FAT2: variants seen among roughly 807,000 people sequenced by gnomAD.
The protein encoded by FAT2 is protocadherin Fat 2.
Under a neutral mutation model 295.3 loss-of-function variants are expected in FAT2, and 150 were observed. That is an observed-to-expected ratio of 0.51 (90% CI 0.44 to 0.58). The LOEUF (loss-of-function observed/expected upper bound fraction) is 0.58, where lower values mean the gene tolerates loss of function less well. FAT2 is among the 20% of genes least tolerant of loss of function. FAT2 has a pLI of 0.00. For synonymous variants in FAT2, 2,026 were observed against 2,150.3 expected, an observed-to-expected ratio of 0.94 and a Z score of 1.60; for missense variants, 4,868 against 5,442.7, an observed-to-expected ratio of 0.89 and a Z score of 3.32.
chr5:151,572,918 T>C (rs1561882283), intron 1 of FAT2, among the ~76,000 whole-genome samples: 1 of 152,218 alleles, frequency 6.6e-6, no homozygotes, highest in Non-Finnish European at 1.5e-5. Flanking sequence ...TCATGCTCCT[T>C]GGCTCCTCAG....
rs1417093053 is a variant in FAT2 at position 151,527,980 on chromosome 5, C to T, written c.10164+16G>A. ...GCTCTAATGAGCTCAGGGTGCGCCC[C>T]TCCCACATGACTCACCTGTTCCCGG... On this transcript the variant is annotated intron_variant, in intron 16 of 23. Coordinates refer to ENST00000261800, the MANE Select transcript of FAT2 (RefSeq NM_001447.3). 1.2e-6 allele frequency: 2 copies of T among 1,613,182 alleles called. No individual in the cohort carries two copies. The highest frequency in any genetic ancestry group is 1.7e-6 in the Non-Finnish European group (2 of 1,179,754).
chr5:151,529,717 G>A (rs1754385353), intron 14 of FAT2, among the ~76,000 whole-genome samples: 1 of 152,170 alleles, frequency 6.6e-6, no homozygotes, highest in Non-Finnish European at 1.5e-5. Context: ...GGACAATTAT[G>A]ATTCCCATTT....
intron 22 of FAT2, chr5:151,509,797 C>T: frequency 1.9e-6 from 1 of 528,156 alleles, no homozygotes; most frequent in Non-Finnish European, 3.4e-6. Flanking sequence ...ATCCTGAAAC[C>T]ATCTCCCGTT....
At chr5:151,519,560 G>A (rs1355670186) in intron 19 of FAT2, among the ~76,000 whole-genome samples, 2 of 152,140 alleles carry the variant, frequency 1.3e-5, no homozygotes, top group Non-Finnish European at 2.9e-5. Flanking sequence ...GTGGAAATAT[G>A]TATTTTAAAA....
chr5:151,525,603 C>A (rs1753902256), intron 18 of FAT2, among the ~76,000 whole-genome samples, 165 bp downstream of exon 18: 2 of 152,154 alleles, frequency 1.3e-5, no homozygotes, highest in Admixed American at 1.3e-4. Flanking sequence ...CTATACCTGC[C>A]CTGAGTGTTA....
Position 151,567,436 on chromosome 5 carries a change from C to T in FAT2, c.1496G>A (p.Gly499Glu). The change falls in exon 2 of 24, where the codon GGA becomes GAA. Residue 499 changes from glycine (G) to glutamate (E), a missense_variant. Gly to Glu is a moderately conservative substitution (Grantham distance 98). Transcript: ENST00000261800. ...ENGYVTYSIAGPKALPFSIDP... is the reference protein window; with the variant it reads ...ENGYVTYSIAEPKALPFSIDP... ...AATAGAAAATGGCAAAGCTTTTGGTCCAGCAATGGAATAGGTGACATATCC... is the reference window on the plus strand; with the variant it reads ...AATAGAAAATGGCAAAGCTTTTGGTTCAGCAATGGAATAGGTGACATATCC... 1.2e-6 allele frequency: 2 copies of T among 1,614,114 alleles called. No individual in the cohort carries two copies. The highest frequency in any genetic ancestry group is 1.7e-6 in the Non-Finnish European group (2 of 1,180,006).
rs766628129 is a variant in FAT2, at chr5:151,517,601, C to T, written c.11463+19G>A. 1.2e-6 allele frequency: 2 copies of T among 1,613,370 alleles called. No individual in the cohort carries two copies. Among genetic ancestry groups the T allele is most frequent in the Non-Finnish European group, 1.7e-6 (2 of 1,179,928 alleles). ...CCTGGGACACCCACATGAAATCTCT[C>T]AGGCTGGCAGTGCCTTACCTTCAGG... On this transcript the variant is annotated intron_variant, in intron 20 of 23. Coordinates refer to ENST00000261800, the MANE Select transcript of FAT2 (RefSeq NM_001447.3).
At chr5:151,547,859 C>G (rs545521685) in intron 9 of FAT2, among the ~76,000 whole-genome samples, 51 of 152,190 alleles carry the variant, frequency 3.4e-4, no homozygotes, top group Non-Finnish European at 6.3e-4. Flanking sequence ...GAAAATCATT[C>G]TTTTGGGGTG....
chr5:151,530,105 A>G (rs1754425554), intron 14 of FAT2, among the ~76,000 whole-genome samples: 1 of 152,190 alleles, frequency 6.6e-6, no homozygotes, highest in Non-Finnish European at 1.5e-5. Flanking sequence ...CTATCTAGGA[A>G]ATGATTAGCA....
At chr5:151,555,011 C>T (rs79717577) in intron 4 of FAT2, among the ~76,000 whole-genome samples, 4,769 of 152,238 alleles carry the variant, frequency 0.031, 184 homozygotes, top group African/African-American at 0.089. Flanking sequence ...TCTCTGGTTT[C>T]CTTAAGTTGC....
intron 18 of FAT2, among the ~76,000 whole-genome samples, chr5:151,524,074 T>A (rs1479664906): frequency 6.6e-6 from 1 of 152,174 alleles, no homozygotes; most frequent in African/African-American, 2.4e-5. Flanking sequence ...TATCTCCAGC[T>A]TGGATGACTT....
chr5:151,594,251 C>G (rs1489060650), upstream of FAT2, among the ~76,000 whole-genome samples: 1 of 152,198 alleles, frequency 6.6e-6, no homozygotes, highest in East Asian at 1.9e-4. Flanking sequence ...TGGGTCTCCC[C>G]TCTCCTCACA....
Position 151,567,786 on chromosome 5 carries a change from C to A in FAT2, c.1146G>T (p.Val382=). Residue 382 remains valine (V), a synonymous_variant, in exon 2 of 24, where the codon GTG becomes GTT. Coordinates refer to ENST00000261800, the MANE Select transcript of FAT2 (RefSeq NM_001447.3). ...SEFSPPGSRV[V]MVRVTPAFPN... ...GGAAGGCTGGGGTGACTCTCACCAT[C>A]ACCACGCGGCTGCCAGGAGGGGAAA... The A allele has an allele frequency of 1.2e-6, 2 of 1,614,188 alleles. No homozygotes were observed. The highest frequency in any genetic ancestry group is 1.7e-6 in the Non-Finnish European group (2 of 1,180,042).
chr5:151,571,902 G>T (rs985773366), intron 1 of FAT2, among the ~76,000 whole-genome samples: 2 of 152,108 alleles, frequency 1.3e-5, no homozygotes, highest in African/African-American at 4.8e-5. Context: ...GGCCTAGAAG[G>T]CTCTGCACCT....
At position 151,531,988 on chromosome 5, in the gene FAT2, G is replaced by A. The variant is rs762925493; in HGVS notation, c.9428-18C>T. 18 of 1,612,930 alleles carry A rather than the reference G, an allele frequency of 1.1e-5. No individual in the cohort carries two copies. Among genetic ancestry groups the A allele is most frequent in the Non-Finnish European group, 1.5e-5 (18 of 1,179,538 alleles). On this transcript the variant is annotated intron_variant, in intron 13 of 23. Transcript: ENST00000261800. This position sits in a 1 kb window ranked among gnomAD's most constrained non-coding sequence, Gnocchi z 5.7. ...ATTGGCGCCTGGCAGGGAGACCAAG[G>A]GTGTGATCCACACTGAGGGCGCCTC...
rs372950160 is a variant in FAT2 at position 151,556,328 on chromosome 5, C to T, written c.3633+16G>A. ...CTCCACAAATCACCACAAATGGATT[C>T]ACCACCATTACTTACCTCCAGGATG... On this transcript the variant is annotated intron_variant, in intron 4 of 23. Coordinates refer to ENST00000261800, the MANE Select transcript of FAT2 (RefSeq NM_001447.3). 1.4e-5 allele frequency: 23 copies of T among 1,610,946 alleles called. No individual in the cohort carries two copies. The African/African-American group carries it at 2.9e-4, about 21-fold the overall frequency.
chr5:151,537,617 G>C (rs1041049724), intron 12 of FAT2, among the ~76,000 whole-genome samples, 176 bp downstream of exon 12: 3 of 152,160 alleles, frequency 2.0e-5, no homozygotes, highest in African/African-American at 4.8e-5. Flanking sequence ...CCCAAATCTT[G>C]TCTTATCAAT....
intron 2 of FAT2, among the ~76,000 whole-genome samples, chr5:151,565,371 C>T (rs2127643950): frequency 6.6e-6 from 1 of 151,948 alleles, no homozygotes; most frequent in Non-Finnish European, 1.5e-5. Flanking sequence ...GGTGATGGAA[C>T]ATGGGGGAGC....
Position 151,542,349 on chromosome 5 carries a change from C to A in FAT2, c.8778G>T (p.Ala2926=), listed in dbSNP as rs374640362. 6.2e-7 allele frequency: 1 copy of A among 1,613,908 alleles called. No individual in the cohort carries two copies. The highest frequency in any genetic ancestry group is 8.5e-7 in the Non-Finnish European group (1 of 1,179,918). Residue 2926 remains alanine (A), a synonymous_variant, in exon 10 of 24, where the codon GCG becomes GCT. Coordinates refer to ENST00000261800, the MANE Select transcript of FAT2 (RefSeq NM_001447.3). ...TGTCAGCATCCAGGGTCTTTAGAGT[C>A]GCCACCAGTTCGCCAGGCTCACTGT... ...VENSEPGELV[A]TLKTLDADIS... is the part of the protein sequence containing the mutation.
Sources: gnomAD v4.1 joint callset for allele counts (sites outside exome capture counted in the v4.1 genomes callset) on GRCh38, gnomAD v4.1.1 for gene constraint, Gnocchi (gnomAD v3.1) non-coding constraint, MANE v1.5 for transcripts, NCBI Gene and HGNC (gene_info 2026-07-23, HGNC 2026-07-21) for gene names.